Variants in HIVEP1 observed in about 807,000 individuals in gnomAD.
HIVEP1 encodes the protein zinc finger protein 40.
HIVEP1 carries 36 observed loss-of-function variants against 180.0 expected under a neutral mutation model. That is an observed-to-expected ratio of 0.20 (90% CI 0.15 to 0.26). The LOEUF is 0.26. HIVEP1 is among the 10% of genes least tolerant of loss of function. HIVEP1 has a pLI of 1.00. For missense variants in HIVEP1, 3,143 were observed against 3,268.7 expected, an observed-to-expected ratio of 0.96 and a Z score of 0.94; for synonymous variants, 1,239 against 1,239.0, an observed-to-expected ratio of 1.00 and a Z score of 0.00.
rs770844511 is a variant in HIVEP1 at position 12,124,184 on chromosome 6, A to G, written c.4389A>G (p.Pro1463=). Residue 1463 remains proline, a synonymous_variant, in exon 4 of 9, where the codon CCA becomes CCG. Transcript: ENST00000379388. ...NTALPSVNAV[P]YQGPQLTSTS... ...CTCTTCCCAGTGTGAATGCAGTGCC[A>G]TATCAGGGGCCTCAGCTCACTAGTA... 6 of 1,613,864 alleles carry G rather than the reference A, an allele frequency of 3.7e-6. No individual in the cohort carries two copies. Among genetic ancestry groups the G allele is most frequent in the East Asian group, 2.2e-5 (1 of 44,898 alleles).
chr6:12,138,245 C>T (rs1758810448), intron 7 of HIVEP1, among the ~76,000 whole-genome samples: 1 of 152,202 alleles, frequency 6.6e-6, no homozygotes, highest in Non-Finnish European at 1.5e-5. Context: ...AAGAGACTTT[C>T]CATTTCCTCA....
At chr6:12,052,894 T>C (rs1770628300) in intron 2 of HIVEP1, among the ~76,000 whole-genome samples, 1 of 152,206 alleles carries the variant, frequency 6.6e-6, no homozygotes, top group African/African-American at 2.4e-5. Flanking sequence ...AAATGCAGGC[T>C]AAAATGGTTA....
intron 3 of HIVEP1, among the ~76,000 whole-genome samples, chr6:12,117,960 G>A (rs138686647): frequency 2.1e-3 from 322 of 152,312 alleles, no homozygotes; most frequent in African/African-American, 7.2e-3. Flanking sequence ...GTCAAAAAGT[G>A]CATCACTGAC....
At chr6:12,143,717 T>A (rs564692681) in intron 7 of HIVEP1, among the ~76,000 whole-genome samples, 25 of 152,242 alleles carry the variant, frequency 1.6e-4, no homozygotes, top group African/African-American at 5.5e-4. Flanking sequence ...TGTGCAAAAA[T>A]CACAAGCATT....
At chr6:12,188,900 A>G in the HIVEP1 span, among the ~76,000 whole-genome samples, 15 of 152,048 alleles carry the variant, frequency 9.9e-5, no homozygotes, top group African/African-American at 3.6e-4. Context: ...ATAAATTCTG[A>G]AGAAAGATTA....
At chr6:12,141,038 G>A (rs1347352269) in intron 7 of HIVEP1, among the ~76,000 whole-genome samples, 1 of 152,164 alleles carries the variant, frequency 6.6e-6, no homozygotes, top group South Asian at 2.1e-4. Flanking sequence ...GATACTCCTT[G>A]AGAAGAGCAA....
At chr6:12,130,712 T>C (rs1002154256) in intron 5 of HIVEP1, 55 bp from the exon 6 acceptor site, 14 of 981,928 alleles carry the variant, frequency 1.4e-5, no homozygotes, top group Non-Finnish European at 2.1e-5. Flanking sequence ...ATCATCAATA[T>C]TTTCTCAGAG....
chr6:12,043,274 G>C (rs1485581699), intron 2 of HIVEP1, among the ~76,000 whole-genome samples: 1 of 151,898 alleles, frequency 6.6e-6, no homozygotes, highest in African/African-American at 2.4e-5. Flanking sequence ...AGTTGATCCA[G>C]GCAGGCATTT....
downstream of HIVEP1, among the ~76,000 whole-genome samples, chr6:12,166,277 A>G (rs962199831): frequency 2.0e-5 from 3 of 152,310 alleles, no homozygotes; most frequent in Middle Eastern, 3.4e-3. Context: ...CTCTAAATTC[A>G]AAAATAATGC....
intron 2 of HIVEP1, among the ~76,000 whole-genome samples, chr6:12,059,780 C>G (rs528103412): frequency 5.9e-5 from 9 of 152,320 alleles, no homozygotes; most frequent in Admixed American, 3.3e-4. Flanking sequence ...ACAGCTCCCA[C>G]TGCCTCTGAG....
chr6:12,066,638 A>G (rs956764399), intron 2 of HIVEP1, among the ~76,000 whole-genome samples: 6 of 152,236 alleles, frequency 3.9e-5, no homozygotes, highest in Non-Finnish European at 7.3e-5. Flanking sequence ...TTCTCAAAGC[A>G]TATGAATTTT....
intron 7 of HIVEP1, among the ~76,000 whole-genome samples, chr6:12,137,911 T>C (rs1314550465): frequency 6.6e-6 from 1 of 152,244 alleles, no homozygotes; most frequent in Non-Finnish European, 1.5e-5. Context: ...TACTCATGTA[T>C]TAACAGCAGA....
At chr6:12,147,805 A>G (rs537831921) in intron 7 of HIVEP1, among the ~76,000 whole-genome samples, 22 of 152,270 alleles carry the variant, frequency 1.4e-4, no homozygotes, top group African/African-American at 5.1e-4. Context: ...TTTTATGTCT[A>G]TGTATAAATG....
chr6:12,147,180 T>G (rs1208731436), intron 7 of HIVEP1, among the ~76,000 whole-genome samples: 1 of 152,152 alleles, frequency 6.6e-6, no homozygotes, highest in Non-Finnish European at 1.5e-5. Flanking sequence ...CAGGGGAGTT[T>G]CAGCATGAGA....
At chr6:12,167,475 A>G (rs756692372), downstream of HIVEP1, among the ~76,000 whole-genome samples, 28 of 149,768 alleles carry the variant, frequency 1.9e-4, no homozygotes, top group Non-Finnish European at 3.7e-4. Context: ...GTGACTTCCC[A>G]TGACTTAAAA....
At chr6:12,130,635 CA>C in intron 5 of HIVEP1, 131 bp from the exon 6 acceptor site, 1 of 524,336 alleles carries the variant, frequency 1.9e-6, no homozygotes, top group Non-Finnish European at 3.4e-6. Flanking sequence ...TTCTGTTACA[CA>C]TGCATAAAAT....
At chr6:12,030,532 G>A (rs940963305) in intron 2 of HIVEP1, among the ~76,000 whole-genome samples, 8 of 151,790 alleles carry the variant, frequency 5.3e-5, no homozygotes, top group Non-Finnish European at 7.4e-5. Flanking sequence ...ATTGTTTCTC[G>A]TACCAGTTCA....
At chr6:12,037,705 T>C in intron 2 of HIVEP1, 1 of 404,128 alleles carries the variant, frequency 2.5e-6, no homozygotes, top group Non-Finnish European at 4.4e-6. Context: ...CTGTTTATTG[T>C]TTTTTCCTTT....
At chr6:12,077,586 C>T (rs1772452823) in intron 2 of HIVEP1, among the ~76,000 whole-genome samples, 1 of 152,148 alleles carries the variant, frequency 6.6e-6, no homozygotes, top group Non-Finnish European at 1.5e-5. Flanking sequence ...GGAGATCCAC[C>T]AGCTGAAGGT....
Sources: allele counts gnomAD v4.1 joint callset (sites outside exome capture counted in the v4.1 genomes callset), GRCh38; gene constraint gnomAD v4.1.1; transcripts MANE v1.5; gene names NCBI Gene and HGNC (gene_info 2026-07-23, HGNC 2026-07-21).